Variants in INTS15 observed in about 807,000 individuals in gnomAD.
INTS15 encodes the protein uncharacterized protein C7orf26.
chr7:6,602,240 G>GCCCA, the INTS15 span: 1 of 907,574 alleles, frequency 1.1e-6, no homozygotes, highest in Non-Finnish European at 1.7e-6. Context: ...TTTGGGGAGA[G>GCCCA]CCCAGTAAGC....
At chr7:6,599,656 C>T in the INTS15 span, among the ~76,000 whole-genome samples, 2 of 152,132 alleles carry the variant, frequency 1.3e-5, no homozygotes, top group Non-Finnish European at 1.5e-5. Flanking sequence ...CTCCCAGTCC[C>T]CCTGGTGTGG....
the INTS15 span, among the ~76,000 whole-genome samples, chr7:6,597,650 A>G: frequency 6.6e-6 from 1 of 152,346 alleles, no homozygotes; most frequent in South Asian, 2.1e-4. Flanking sequence ...TGGCCTTACC[A>G]TGGGGAAGGG....
the INTS15 span, among the ~76,000 whole-genome samples, chr7:6,590,659 C>G: frequency 2.0e-5 from 3 of 152,326 alleles, no homozygotes; most frequent in Non-Finnish European, 4.4e-5. Context: ...GCTCAGCTGC[C>G]TGTCCAGTCT....
chr7:6,596,532 C>T, the INTS15 span, among the ~76,000 whole-genome samples: 8 of 151,518 alleles, frequency 5.3e-5, no homozygotes, highest in Non-Finnish European at 1.2e-4. Flanking sequence ...GTGTGCGCCA[C>T]CACACCCGGC....
chr7:6,600,167 G>C, the INTS15 span: 6 of 1,614,098 alleles, frequency 3.7e-6, no homozygotes. Context: ...GCACCTGACC[G>C]AGAAGAATCT....
chr7:6,596,072 G>T, the INTS15 span, among the ~76,000 whole-genome samples: 1 of 148,626 alleles, frequency 6.7e-6, no homozygotes, highest in Admixed American at 6.7e-5. Context: ...CTTTTTTTGA[G>T]ACAGAGTCTC....
chr7:6,597,949 G>C, the INTS15 span, among the ~76,000 whole-genome samples: 1 of 152,188 alleles, frequency 6.6e-6, no homozygotes, highest in African/African-American at 2.4e-5. Flanking sequence ...ATGGAGCTGA[G>C]AACGTGGGAC....
chr7:6,607,734 T>G, the INTS15 span: 2 of 1,504,870 alleles, frequency 1.3e-6, no homozygotes, highest in African/African-American at 2.8e-5. The surrounding 1 kb of genome is among the most constrained non-coding windows in gnomAD (Gnocchi z 6.0). Context: ...CGGCCGGAGC[T>G]CCGTGGGCCA....
At chr7:6,607,497 G>T in the INTS15 span, 1 of 1,297,038 alleles carries the variant, frequency 7.7e-7, no homozygotes, top group South Asian at 1.2e-5. This position sits in a 1 kb window ranked among gnomAD's most constrained non-coding sequence, Gnocchi z 6.0. Flanking sequence ...GGCCTGGGCC[G>T]TCCCCGAGGG....
chr7:6,601,831 AT>A, the INTS15 span, among the ~76,000 whole-genome samples: 1 of 149,548 alleles, frequency 6.7e-6, no homozygotes. Context: ...TGATTTTTGT[AT>A]TTTTAGTAGA....
the INTS15 span, among the ~76,000 whole-genome samples, chr7:6,605,108 T>C: frequency 6.6e-6 from 1 of 152,204 alleles, no homozygotes; most frequent in African/African-American, 2.4e-5. Context: ...TTCTCCTGCC[T>C]CAACCTCCTG....
the INTS15 span, among the ~76,000 whole-genome samples, chr7:6,593,036 A>G: frequency 7.2e-5 from 11 of 152,198 alleles, no homozygotes; most frequent in Non-Finnish European, 1.5e-4. Context: ...TACCTGTGGC[A>G]TCTCACCTGG....
the INTS15 span, among the ~76,000 whole-genome samples, chr7:6,597,443 C>T: frequency 1.3e-5 from 2 of 152,178 alleles, no homozygotes; most frequent in African/African-American, 2.4e-5. Flanking sequence ...TATAGGCATG[C>T]GCCACCACGC....
the INTS15 span, among the ~76,000 whole-genome samples, chr7:6,606,389 G>C: frequency 1.4e-5 from 1 of 72,012 alleles, no homozygotes; most frequent in South Asian, 2.9e-4. Flanking sequence ...AGTAGACAGA[G>C]AGCAGGCAGG....
chr7:6,602,379 A>G, the INTS15 span: 7 of 508,076 alleles, frequency 1.4e-5, no homozygotes, highest in African/African-American at 1.4e-4. Context: ...AAAGCTCCCT[A>G]GTGAAGGTGC....
chr7:6,593,353 CAG>C, the INTS15 span, among the ~76,000 whole-genome samples: 2 of 122,854 alleles, frequency 1.6e-5, no homozygotes, highest in African/African-American at 3.3e-5. Context: ...TTTTTTGAGG[CAG>C]AGTCTTTCTC....
At chr7:6,590,585 CGCGCTCGCGCTCG>C in the INTS15 span, 13 of 1,388,834 alleles carry the variant, frequency 9.4e-6, no homozygotes, top group Non-Finnish European at 1.2e-5. Flanking sequence ...CCAGGATCCC[CGCGCTCGCGCTCG>C]GCCTCGCTCC....
the INTS15 span, among the ~76,000 whole-genome samples, chr7:6,596,884 A>G: frequency 1.3e-5 from 2 of 151,396 alleles, no homozygotes; most frequent in Non-Finnish European, 2.9e-5. Flanking sequence ...GCCAGATTCA[A>G]GCGATTCTCC....
At chr7:6,608,111 G>T in the INTS15 span, 6 of 502,514 alleles carry the variant, frequency 1.2e-5, no homozygotes, top group Admixed American at 1.8e-4. Context: ...CACGCATCCC[G>T]GCCACACCTT....
Sources: gnomAD v4.1 joint callset for allele counts (sites outside exome capture counted in the v4.1 genomes callset) on GRCh38, gnomAD v4.1.1 for gene constraint, Gnocchi (gnomAD v3.1) non-coding constraint, MANE v1.5 for transcripts, NCBI Gene and HGNC (gene_info 2026-07-23, HGNC 2026-07-21) for gene names.